SRP72: variants seen among roughly 807,000 people sequenced by gnomAD.
SRP72 encodes the protein signal recognition particle 72.
Under a neutral mutation model 96.3 loss-of-function variants are expected in SRP72, and 49 were observed. The observed-to-expected ratio is 0.51, with a 90% CI of 0.40 to 0.65. The LOEUF is 0.65. SRP72 is among the 30% of genes least tolerant of loss of function. SRP72 has a pLI of 0.00. For synonymous variants in SRP72, 267 were observed against 275.2 expected (o/e 0.97, Z 0.30); for missense variants, 736 against 793.3 (o/e 0.93, Z 0.87).
rs1721334393 is a variant in SRP72, at chr4:56,503,481, A to G, written c.*1620A>G. The G allele has an allele frequency of 2.0e-5, 3 of 152,208 alleles. No individual in the cohort carries two copies. The highest frequency in any genetic ancestry group is 2.0e-4 in the Admixed American group (3 of 15,270). The allele number at this position is 152,208 out of a possible 1,614,324, so 9.4% of individuals were successfully genotyped here. On this transcript the variant is annotated 3_prime_UTR_variant, in exon 19 of 19. Coordinates refer to ENST00000642900, the MANE Select transcript of SRP72 (RefSeq NM_006947.4). ...AAGCAACTAAAACTTCATCAGTTCA[A>G]ATAAGTTTTAATTGTCAAATGAAGT...
At chr4:56,488,092 A>T (rs756430503) in intron 12 of SRP72, 79 bp downstream of exon 12, 23 of 934,392 alleles carry the variant, frequency 2.5e-5, no homozygotes, top group Non-Finnish European at 3.7e-5. Flanking sequence ...CTTTATTTAT[A>T]TGTCGAATGT....
chr4:56,494,443 C>G (rs1365733189), intron 16 of SRP72, among the ~76,000 whole-genome samples: 1 of 146,262 alleles, frequency 6.8e-6, no homozygotes, highest in Admixed American at 6.9e-5. Flanking sequence ...CTTGCTCCAT[C>G]GCTCAGGCTG....
At chr4:56,491,075 G>A (rs1720889497) in intron 15 of SRP72, among the ~76,000 whole-genome samples, 2 of 152,140 alleles carry the variant, frequency 1.3e-5, no homozygotes, top group Non-Finnish European at 2.9e-5. Flanking sequence ...CTAAATCAGA[G>A]TGTGTTCCCA....
At chr4:56,479,280 C>T (rs774222389) in intron 8 of SRP72, among the ~76,000 whole-genome samples, 65 of 152,070 alleles carry the variant, frequency 4.3e-4, no homozygotes, top group Non-Finnish European at 7.5e-4. Context: ...CCCGCGTTCA[C>T]GCCATTCTCC....
chr4:56,497,498 C>T (rs557693995), intron 17 of SRP72, among the ~76,000 whole-genome samples: 6 of 152,192 alleles, frequency 3.9e-5, no homozygotes, highest in Non-Finnish European at 5.9e-5. Flanking sequence ...GGATTACAGG[C>T]GTGAGCCACT....
Position 56,502,340 on chromosome 4 carries a change from CCTT to C in SRP72, c.*483_*485del, listed in dbSNP as rs528597051. The stretch of plus-strand genomic sequence containing the variant: ...AGAAATATCATGTGATAAAGAGGGA[CCTT>C]CTTAATACACTGATGTTCTTCACTA... On this transcript the variant is annotated 3_prime_UTR_variant, in exon 19 of 19. Coordinates refer to ENST00000642900, the MANE Select transcript of SRP72 (RefSeq NM_006947.4). The C allele has an allele frequency of 1.2e-4, 18 of 154,228 alleles. No homozygotes were observed. Among genetic ancestry groups the C allele is most frequent in the Non-Finnish European group, 1.7e-4 (12 of 69,550 alleles). The allele number at this position is 154,228 out of a possible 1,614,324, so 9.6% of individuals were successfully genotyped here.
intron 17 of SRP72, among the ~76,000 whole-genome samples, chr4:56,499,090 T>C (rs926634358): frequency 3.0e-4 from 46 of 152,124 alleles, no homozygotes; most frequent in African/African-American, 1.0e-3. Context: ...TGGAACAGAA[T>C]AGAGGCCTCA....
Position 56,474,179 on chromosome 4 carries a change from T to A in SRP72, c.480T>A (p.Asn160Lys), listed in dbSNP as rs1180728337. The change falls in exon 4 of 19, where the codon AAT becomes AAA. Residue 160 changes from asparagine to lysine, a missense_variant. By Grantham distance (94) the Asn-to-Lys change is moderately conservative. Coordinates refer to ENST00000642900, the MANE Select transcript of SRP72 (RefSeq NM_006947.4). ...NLSAVVAAQS[N>K]WEKVVPENLG... ...CAGCAGTTGTTGCAGCTCAAAGCAA[T>A]TGGGAAAAAGTGGTTCCAGTGAGTA... 1 of 1,613,952 alleles carries A rather than the reference T, an allele frequency of 6.2e-7. No homozygotes were observed. The highest frequency in any genetic ancestry group is 1.3e-5 in the African/African-American group (1 of 74,918).
At chr4:56,487,267 C>T (rs1045410360) in intron 11 of SRP72, among the ~76,000 whole-genome samples, 3 of 151,992 alleles carry the variant, frequency 2.0e-5, no homozygotes, top group Non-Finnish European at 4.4e-5. Flanking sequence ...TTAAAATGTC[C>T]TTAGTAGGGC....
chr4:56,485,823 G>A (rs1720691311), intron 10 of SRP72, among the ~76,000 whole-genome samples: 1 of 151,886 alleles, frequency 6.6e-6, no homozygotes, highest in African/African-American at 2.4e-5. Flanking sequence ...CACATTTTGA[G>A]GTTGGAAATG....
intron 16 of SRP72, 125 bp from the exon 17 acceptor site, chr4:56,495,232 A>G: frequency 2.1e-6 from 1 of 483,988 alleles, no homozygotes; most frequent in Non-Finnish European, 3.6e-6. Flanking sequence ...TAGCTTTGGT[A>G]AGCTGATACC....
At chr4:56,473,776 GAAAA>G (rs1237989827) in intron 3 of SRP72, among the ~76,000 whole-genome samples, 3 of 150,968 alleles carry the variant, frequency 2.0e-5, no homozygotes, top group Non-Finnish European at 4.4e-5. Context: ...AAAAAAAAAA[GAAAA>G]AGAAAAGAAA....
intron 16 of SRP72, among the ~76,000 whole-genome samples, chr4:56,493,343 C>CT (rs1407190074): frequency 6.6e-5 from 10 of 152,118 alleles, no homozygotes; most frequent in African/African-American, 2.4e-4. Flanking sequence ...GCTTCTTTCT[C>CT]TTTTTTCTTA....
At position 56,491,449 on chromosome 4, in the gene SRP72, A is replaced by G. The variant is rs936610987; in HGVS notation, c.1521A>G (p.Pro507=). The G allele has an allele frequency of 8.7e-6, 14 of 1,613,746 alleles. No homozygotes were observed. The Admixed American group carries it at 1.5e-4, about 17-fold the overall frequency. The change falls in exon 16 of 19, where the codon CCA becomes CCG. Residue 507 remains proline (P), a synonymous_variant. Transcript: ENST00000642900. ...ATCACAGTCTTAGTAAACACTTGCCATCGTCAGATAGTATGTCTCTAAAAG... is the reference window on the plus strand; with the variant it reads ...ATCACAGTCTTAGTAAACACTTGCCGTCGTCAGATAGTATGTCTCTAAAAG... ...EKAKALSKHL[P]SSDSMSLKVD...
At chr4:56,477,709 G>T (rs756946714) in intron 6 of SRP72, among the ~76,000 whole-genome samples, 2 of 152,188 alleles carry the variant, frequency 1.3e-5, no homozygotes, top group African/African-American at 2.4e-5. Context: ...CACCAGGTGA[G>T]AGCAGGAGTG....
Position 56,469,728 on chromosome 4 carries a change from A to G in SRP72, c.185A>G (p.Lys62Arg), listed in dbSNP as rs773027657. The G allele has an allele frequency of 2.5e-6, 4 of 1,612,956 alleles. No homozygotes were observed. Among genetic ancestry groups the G allele is most frequent in the Non-Finnish European group, 3.4e-6 (4 of 1,179,146 alleles). ...TGCCTTATCCAGAATGGAAGTTTCA[A>G]GGAAGCTTTGAATGTCATCAATACT... The part of the protein sequence containing the change: ...VVCLIQNGSF[K>R]EALNVINTHT... The change falls in exon 2 of 19, where the codon AAG becomes AGG. Residue 62 changes from lysine to arginine, a missense_variant. By Grantham distance (26) the Lys-to-Arg change is conservative. This residue lies in a region of SRP72 where 329 missense variants were observed against 319.0 expected (regional missense o/e 1.03). Coordinates refer to ENST00000642900, the MANE Select transcript of SRP72 (RefSeq NM_006947.4).
intron 13 of SRP72, 131 bp from the exon 14 acceptor site, chr4:56,490,202 G>T: frequency 1.5e-6 from 1 of 660,016 alleles, no homozygotes; most frequent in Non-Finnish European, 2.6e-6. Flanking sequence ...TGTTGTTTCA[G>T]GCATTCAGTG....
At chr4:56,476,980 G>C (rs1376120240) in intron 6 of SRP72, 1 of 381,512 alleles carries the variant, frequency 2.6e-6, no homozygotes. Context: ...TAAGGTCTTT[G>C]AGGACTGGTC....
At position 56,483,120 on chromosome 4, in the gene SRP72, A is replaced by T. The variant is rs1158902387; in HGVS notation, c.826-19A>T. ...AAATCTGAGATTCTGTTAATGATAG[A>T]TAAACTTTTCTTTGTTAGGACCAAA... is the stretch of plus-strand genomic sequence containing the variant. On this transcript the variant is annotated intron_variant, in intron 8 of 18. Coordinates refer to ENST00000642900, the MANE Select transcript of SRP72 (RefSeq NM_006947.4). The T allele has an allele frequency of 1.2e-6, 2 of 1,604,116 alleles. No homozygotes were observed. The highest frequency in any genetic ancestry group is 1.3e-5 in the African/African-American group (1 of 74,274).
Sources: allele counts gnomAD v4.1 joint callset (sites outside exome capture counted in the v4.1 genomes callset), GRCh38; gene constraint gnomAD v4.1.1; regional missense constraint gnomAD v4.1.1; transcripts MANE v1.5; gene names NCBI Gene and HGNC (gene_info 2026-07-23, HGNC 2026-07-21).